Variants in RBBP9 observed in about 807,000 individuals in gnomAD.
RBBP9 encodes the protein serine hydrolase RBBP9.
RBBP9 carries 20 observed loss-of-function variants against 24.2 expected under a neutral mutation model. The ratio of observed to expected loss-of-function variants is 0.83; its 90% CI spans 0.58 to 1.20. The LOEUF (loss-of-function observed/expected upper bound fraction) is 1.20. RBBP9 is among the 50% of genes most tolerant of loss of function. The pLI, the probability that RBBP9 is intolerant of heterozygous loss-of-function variation, is 0.00. For synonymous variants in RBBP9, 74 were observed against 84.6 expected, an observed-to-expected ratio of 0.87 and a Z score of 0.69; for missense variants, 234 against 233.6, an observed-to-expected ratio of 1.00 and a Z score of -0.01.
rs35822681 is a variant in RBBP9 at position 18,488,971 on chromosome 20, G to GTGTATATGTGTGTGTGTGTGTGTA, written c.*792_*793insTACACACACACACACACATATACA. 2 of 148,702 alleles carry GTGTATATGTGTGTGTGTGTGTGTA rather than the reference G, an allele frequency of 1.3e-5. No individual in the cohort carries two copies. Among genetic ancestry groups the GTGTATATGTGTGTGTGTGTGTGTA allele is most frequent in the African/African-American group, 4.9e-5 (2 of 40,488 alleles). 9.2% of individuals were successfully genotyped at this position (148,702 alleles called of 1,614,324 possible). A position where few individuals can be genotyped will look rare whatever the true frequency, so the allele number is the denominator to read the frequency against. On this transcript the variant is annotated 3_prime_UTR_variant, in exon 5 of 5. Transcript: ENST00000337227. ...TATGTGTATGTGTGTGTGTGTGTGT[G>GTGTATATGTGTGTGTGTGTGTGTA]TATATATATATATATTTGCATTCCC...
At chr20:18,490,110 G>A in intron 4 of RBBP9, 120 bp from the exon 5 acceptor site, 1 of 709,038 alleles carries the variant, frequency 1.4e-6, no homozygotes, top group Non-Finnish European at 2.3e-6. Flanking sequence ...GTGTGAGTTA[G>A]AAGCACTTCT....
chr20:18,490,183 A>C (rs1262923754), intron 4 of RBBP9, among the ~76,000 whole-genome samples, 193 bp from the exon 5 acceptor site: 3 of 152,198 alleles, frequency 2.0e-5, no homozygotes, highest in Non-Finnish European at 4.4e-5. Flanking sequence ...TATATGGTTC[A>C]ACTAAAACCA....
At position 18,490,099 on chromosome 20, in the gene RBBP9, C is replaced by T. The variant is rs76233670; in HGVS notation, c.335-109G>A. ...TAGAGACGCAAAGGAGCAGAGCCTC[C>T]GTGTGAGTTAGAAGCACTTCTTTTG... On this transcript the variant is annotated intron_variant, in intron 4 of 4. Coordinates refer to ENST00000337227, the MANE Select transcript of RBBP9 (RefSeq NM_006606.3). 6.8e-4 allele frequency: 512 copies of T among 752,314 alleles called. 3 individuals are homozygous for T. In the East Asian group the frequency reaches 0.013, roughly 19 times the overall value. The allele number at this position is 752,314 out of a possible 1,614,324, so 46.6% of individuals were successfully genotyped here. A position where few individuals can be genotyped will look rare whatever the true frequency, so the allele number is the denominator to read the frequency against.
chr20:18,489,237 CAT>C lies in RBBP9; in HGVS notation c.*525_*526del, dbSNP rs2059855345. On this transcript the variant is annotated 3_prime_UTR_variant, in exon 5 of 5. Coordinates refer to ENST00000337227, the MANE Select transcript of RBBP9 (RefSeq NM_006606.3). ...AGACTCCTGTCTCAGTCTCTCTCAA[CAT>C]GTCTGAAGGACTTAGGGGCAAGTGT... 1.3e-5 allele frequency: 2 copies of C among 152,694 alleles called. No individual in the cohort carries two copies. Among genetic ancestry groups the C allele is most frequent in the South Asian group, 4.1e-4 (2 of 4,846 alleles). 9.5% of individuals were successfully genotyped at this position (152,694 alleles called of 1,614,324 possible).
Position 18,497,152 on chromosome 20 carries a change from T to A in RBBP9, c.16A>T (p.Lys6Ter). MASPS[K>*]AVIVPGNGGG... ...CCGTTCCCGGGAACAATCACTGCCT[T>A]GCTAGGAGAAGCCATGAGTGCAGCG... Residue 6 changes from lysine to a stop codon, truncating the protein, a stop_gained, in exon 1 of 5, where the codon AAG becomes TAG. Transcript: ENST00000337227. LOFTEE classifies it high-confidence loss of function. 1 of 1,613,972 alleles carries A rather than the reference T, an allele frequency of 6.2e-7. No homozygotes were observed. Among genetic ancestry groups the A allele is most frequent in the Non-Finnish European group, 8.5e-7 (1 of 1,179,882 alleles).
chr20:18,493,914 G>A, intron 3 of RBBP9, 44 bp downstream of exon 3: 1 of 1,438,206 alleles, frequency 7.0e-7, no homozygotes, highest in South Asian at 1.2e-5. Context: ...AAGCAAGCAT[G>A]ACTGGAGCCC....
rs769128263 is a variant in RBBP9, at chr20:18,493,941, T to C, written c.248+17A>G. The C allele has an allele frequency of 1.9e-6, 3 of 1,583,604 alleles. No homozygotes were observed. In the East Asian group the frequency reaches 6.7e-5, roughly 36 times the overall value. ...CTGGAGCCCACAAAGGGGATAGCAG[T>C]TTAACAAAGATCGCACCTCATGGCC... On this transcript the variant is annotated intron_variant, in intron 3 of 4. Coordinates refer to ENST00000337227, the MANE Select transcript of RBBP9 (RefSeq NM_006606.3).
At chr20:18,492,050 T>C (rs1335779959) in intron 3 of RBBP9, among the ~76,000 whole-genome samples, 2 of 146,766 alleles carry the variant, frequency 1.4e-5, no homozygotes, top group African/African-American at 2.5e-5. Flanking sequence ...TGAGCCGATA[T>C]TGTGCCACTG....
chr20:18,493,465 T>G (rs1204528955), intron 3 of RBBP9, among the ~76,000 whole-genome samples: 1 of 152,036 alleles, frequency 6.6e-6, no homozygotes, highest in African/African-American at 2.4e-5. Flanking sequence ...TAGGAGCCAG[T>G]AGAGTGAGGA....
At position 18,497,122 on chromosome 20, in the gene RBBP9, C is replaced by G. The variant is rs757496806; in HGVS notation, c.46G>C (p.Gly16Arg). Reference sequence around the variant, plus strand: ...TACCAGCCGTGGGTGGTCACATCCCCGCCTCCGTTCCCGGGAACAATCACT... The same window carrying G: ...TACCAGCCGTGGGTGGTCACATCCCGGCCTCCGTTCCCGGGAACAATCACT... ...KAVIVPGNGG[G>R]DVTTHGWYGW... The change falls in exon 1 of 5, where the codon GGG (glycine) becomes CGG (arginine). Residue 16 changes from glycine (G) to arginine (R), a missense_variant. Physicochemically the swap from Gly to Arg is moderately radical, Grantham distance 125 (BLOSUM62 -2). Transcript: ENST00000337227. 2 of 1,614,208 alleles carry G rather than the reference C, an allele frequency of 1.2e-6. No homozygotes were observed. Among genetic ancestry groups the G allele is most frequent in the South Asian group, 1.1e-5 (1 of 91,082 alleles).
In RBBP9 at chr20:18,494,014, G is replaced by A. The variant is rs1437762443; in HGVS notation, c.192C>T (p.His64=). 1 of 1,613,718 alleles carries A rather than the reference G, an allele frequency of 6.2e-7. No individual in the cohort carries two copies. The highest frequency in any genetic ancestry group is 2.2e-5 in the East Asian group (1 of 44,830). ...IWLPFMETEL[H]CDEKTIIIGH... is the part of the protein sequence containing the mutation. Reference sequence around the variant, plus strand: ...CAATGATGATAGTCTTCTCATCACAGTGCAGCTCTGTCTCCATGAAGGGCA... The same window carrying A: ...CAATGATGATAGTCTTCTCATCACAATGCAGCTCTGTCTCCATGAAGGGCA... The change falls in exon 3 of 5, where the codon CAC becomes CAT. Residue 64 remains histidine (H), a synonymous_variant. Coordinates refer to ENST00000337227, the MANE Select transcript of RBBP9 (RefSeq NM_006606.3).
intron 3 of RBBP9, 88 bp downstream of exon 3, chr20:18,493,870 A>C: frequency 9.7e-7 from 1 of 1,032,484 alleles, no homozygotes; most frequent in Non-Finnish European, 1.4e-6. Flanking sequence ...TTTCCTCTGC[A>C]ACAGAAATTT....
intron 4 of RBBP9, 70 bp downstream of exon 4, chr20:18,490,315 ACAGCACTGTT>A: frequency 9.0e-7 from 1 of 1,109,686 alleles, no homozygotes; most frequent in Middle Eastern, 2.0e-4. Context: ...TATCTGAAAG[ACAGCACTGTT>A]TTTACAACCT....
intron 3 of RBBP9, among the ~76,000 whole-genome samples, chr20:18,491,671 A>C (rs1282806527): frequency 6.6e-6 from 1 of 152,218 alleles, no homozygotes; most frequent in African/African-American, 2.4e-5. Context: ...GGGATAAGGA[A>C]AGACACATAG....
chr20:18,490,608 A>G (rs2059861566), intron 3 of RBBP9, 128 bp from the exon 4 acceptor site: 2 of 588,630 alleles, frequency 3.4e-6, no homozygotes, highest in African/African-American at 3.8e-5. Context: ...GTTGAGGTTG[A>G]TGTGAAAAAT....
chr20:18,493,418 G>C (rs954927522), intron 3 of RBBP9, among the ~76,000 whole-genome samples: 39 of 152,128 alleles, frequency 2.6e-4, no homozygotes, highest in Admixed American at 5.2e-4. Flanking sequence ...GATGTCAGAT[G>C]GTAAAAAGTG....
At chr20:18,495,616 TAA>T (rs1568588170) in intron 2 of RBBP9, among the ~76,000 whole-genome samples, 6 of 30,940 alleles carry the variant, frequency 1.9e-4, no homozygotes, top group Non-Finnish European at 4.9e-4. Flanking sequence ...AATAAATAAA[TAA>T]ATAAAAATGA....
Position 18,490,434 on chromosome 20 carries a change from A to T in RBBP9, c.295T>A (p.Tyr99Asn). 1 of 1,613,988 alleles carries T rather than the reference A, an allele frequency of 6.2e-7. No homozygotes were observed. The highest frequency in any genetic ancestry group is 8.5e-7 in the Non-Finnish European group (1 of 1,179,858). ...RVYAIVLVSA[Y>N]TSDLGDENER... ...TTTTCATCCCCCAAGTCTGATGTGTACGCAGACACTAATACAATAGCATAT... is the reference window on the plus strand; with the variant it reads ...TTTTCATCCCCCAAGTCTGATGTGTTCGCAGACACTAATACAATAGCATAT... The change falls in exon 4 of 5, where the codon TAC (tyrosine) becomes AAC (asparagine). Residue 99 changes from tyrosine to asparagine, a missense_variant. Transcript: ENST00000337227.
Position 18,488,299 on chromosome 20 carries a change from C to T in RBBP9, c.*1465G>A, listed in dbSNP as rs1402492453. On this transcript the variant is annotated 3_prime_UTR_variant, in exon 5 of 5. Coordinates refer to ENST00000337227, the MANE Select transcript of RBBP9 (RefSeq NM_006606.3). Reference sequence around the variant, plus strand: ...TTTTTTTTTTAAGAGACAGGTTCTTCGCTCCATCACCCAGGATGGAGTACA... The same window carrying T: ...TTTTTTTTTTAAGAGACAGGTTCTTTGCTCCATCACCCAGGATGGAGTACA... The T allele has an allele frequency of 2.6e-5, 4 of 151,726 alleles. No individual in the cohort carries two copies. Among genetic ancestry groups the T allele is most frequent in the South Asian group, 2.1e-4 (1 of 4,820 alleles). 9.4% of individuals were successfully genotyped at this position (151,726 alleles called of 1,614,324 possible). A position where few individuals can be genotyped will look rare whatever the true frequency, so the allele number is the denominator to read the frequency against.
Sources: allele counts gnomAD v4.1 joint callset (sites outside exome capture counted in the v4.1 genomes callset), GRCh38; gene constraint gnomAD v4.1.1; transcripts MANE v1.5; gene names NCBI Gene and HGNC (gene_info 2026-07-23, HGNC 2026-07-21).